MFHAS1: variants seen among roughly 807,000 people sequenced by gnomAD.
The protein encoded by MFHAS1 is multifunctional ROCO family signaling regulator 1.
A neutral mutation model predicts 70.4 loss-of-function variants in MFHAS1; 50 were observed. The observed-to-expected ratio is 0.71, with a 90% confidence interval of 0.57 to 0.90. MFHAS1 has a LOEUF of 0.90. Ranked by LOEUF, MFHAS1 falls within the 40% of genes least tolerant of loss-of-function variation. The probability of loss-of-function intolerance (pLI) is 0.00; values close to 1 mark genes in which losing one functional copy is unlikely to be tolerated. For synonymous variants in MFHAS1, 952 were observed against 620.0 expected, an observed-to-expected ratio of 1.54 and a Z score of -7.96; for missense variants, 1,795 against 1,347.6, an observed-to-expected ratio of 1.33 and a Z score of -5.20.
intron 2 of MFHAS1, among the ~76,000 whole-genome samples, chr8:8,789,930 C>T (rs554931748): frequency 6.6e-6 from 1 of 152,066 alleles, no homozygotes; most frequent in Non-Finnish European, 1.5e-5. Flanking sequence ...CGGCCTTGCC[C>T]GTTCCTCCCC....
At chr8:8,803,493 GGCGACAGA>G (rs1234274601) in intron 1 of MFHAS1, among the ~76,000 whole-genome samples, 2 of 149,840 alleles carry the variant, frequency 1.3e-5, no homozygotes, top group East Asian at 4.0e-4. Context: ...CTCCAGCCTG[GGCGACAGA>G]GCAAGACCCT....
intron 1 of MFHAS1, among the ~76,000 whole-genome samples, chr8:8,855,895 T>C (rs1044018565): frequency 2.0e-5 from 3 of 152,170 alleles, no homozygotes; most frequent in African/African-American, 7.2e-5. Flanking sequence ...TCTGCCGTTA[T>C]TTTCATCTGA....
At chr8:8,883,707 C>CAAAAA (rs35799658) in intron 1 of MFHAS1, among the ~76,000 whole-genome samples, 769 of 28,650 alleles carry the variant, frequency 0.027, 83 homozygotes, top group African/African-American at 0.077. Flanking sequence ...GACTCAGTCT[C>CAAAAA]AAAAAAAAAA....
At chr8:8,826,920 G>A (rs1807186552) in intron 1 of MFHAS1, among the ~76,000 whole-genome samples, 2 of 152,288 alleles carry the variant, frequency 1.3e-5, no homozygotes, top group South Asian at 4.1e-4. Context: ...TGGCATCTGA[G>A]GCAGGGATGG....
intron 2 of MFHAS1, among the ~76,000 whole-genome samples, chr8:8,787,327 A>G (rs558429014): frequency 4.3e-4 from 65 of 152,168 alleles, no homozygotes; most frequent in South Asian, 6.2e-4. Flanking sequence ...TGATCCGCCC[A>G]CCTTGGCCTC....
At position 8,892,121 on chromosome 8, in the gene MFHAS1, G is replaced by A. The variant is rs1286349697; in HGVS notation, c.938C>T (p.Ser313Phe). Residue 313 changes from serine to phenylalanine, a missense_variant, in exon 1 of 3, where the codon TCC becomes TTC. Physicochemically the swap from Ser to Phe is radical, Grantham distance 155. Coordinates refer to ENST00000276282, the MANE Select transcript of MFHAS1 (RefSeq NM_004225.3). This position sits in a 1 kb window ranked among gnomAD's most constrained non-coding sequence, Gnocchi z 4.7. ...LSRNQLTSVP[S>F]LISGLGRLLT... ...AAGCCGGCCCAGGCCCGAGATAAGG[G>A]ATGGCACCGAGGTGAGCTGGTTGCG... 1.9e-6 allele frequency: 3 copies of A among 1,612,638 alleles called. No individual in the cohort carries two copies. In the African/African-American group the frequency reaches 4.0e-5, roughly 22 times the overall value.
chr8:8,834,111 G>C (rs536337201), intron 1 of MFHAS1, among the ~76,000 whole-genome samples: 2 of 134,392 alleles, frequency 1.5e-5, no homozygotes, highest in African/African-American at 2.6e-5. Context: ...GGGCAACCGA[G>C]TGAGACTCTG....
chr8:8,861,894 T>TTCATCTCTTTTCCTTGC (rs1808676770), intron 1 of MFHAS1, among the ~76,000 whole-genome samples: 1 of 152,248 alleles, frequency 6.6e-6, no homozygotes, highest in Non-Finnish European at 1.5e-5. Flanking sequence ...TTATCAGTAG[T>TTCATCTCTTTTCCTTGC]TCATCTCTTT....
intron 1 of MFHAS1, among the ~76,000 whole-genome samples, chr8:8,850,003 G>A (rs956062467): frequency 3.3e-5 from 5 of 152,374 alleles, no homozygotes; most frequent in South Asian, 2.1e-4. Context: ...TGAAGCCTCA[G>A]AGAGAGTTTG....
At chr8:8,861,289 C>T (rs1585057287) in intron 1 of MFHAS1, among the ~76,000 whole-genome samples, 1 of 152,166 alleles carries the variant, frequency 6.6e-6, no homozygotes, top group African/African-American at 2.4e-5. Flanking sequence ...AATTAAAAAG[C>T]AAACAAAATT....
At chr8:8,886,979 T>A (rs1022959320) in intron 1 of MFHAS1, among the ~76,000 whole-genome samples, 2 of 152,052 alleles carry the variant, frequency 1.3e-5, no homozygotes, top group African/African-American at 4.8e-5. Context: ...ATACAAAAAT[T>A]AGCCAGGTGT....
intron 1 of MFHAS1, among the ~76,000 whole-genome samples, chr8:8,821,642 C>T (rs570058956): frequency 3.3e-5 from 5 of 152,208 alleles, no homozygotes; most frequent in Admixed American, 2.0e-4. Flanking sequence ...TTTGATGTTG[C>T]TACACAGACT....
chr8:8,799,519 G>A (rs1210277822), intron 1 of MFHAS1, among the ~76,000 whole-genome samples: 1 of 152,206 alleles, frequency 6.6e-6, no homozygotes, highest in Non-Finnish European at 1.5e-5. Flanking sequence ...ACTTTGCGAG[G>A]CAAAGACGGG....
intron 1 of MFHAS1, among the ~76,000 whole-genome samples, chr8:8,802,769 G>A (rs1032146098): frequency 2.0e-5 from 3 of 152,192 alleles, no homozygotes; most frequent in Non-Finnish European, 4.4e-5. Flanking sequence ...CTATCTTGGG[G>A]GGTGAAGGAG....
At position 8,801,973 on chromosome 8, in the gene MFHAS1, A is replaced by G. The variant is rs373470031; in HGVS notation, c.2999-4482T>C. 2.0e-4 allele frequency among the ~76,000 whole-genome samples: 30 copies of G among 152,348 alleles called. No homozygotes were observed. The East Asian group carries it at 3.5e-3, about 18-fold the overall frequency. On this transcript the variant is annotated intron_variant, in intron 1 of 2. Transcript: ENST00000276282. ...GACGAAGGACCCAGCAACTTTTGTTATCAGAATGGAGAACGATGCGTGCAC... is the reference window on the plus strand; with the variant it reads ...GACGAAGGACCCAGCAACTTTTGTTGTCAGAATGGAGAACGATGCGTGCAC...
At chr8:8,793,024 G>T (rs112536924) in intron 2 of MFHAS1, among the ~76,000 whole-genome samples, 1,875 of 152,284 alleles carry the variant, frequency 0.012, 31 homozygotes, top group South Asian at 0.048. Flanking sequence ...GGGAGAAGAA[G>T]CCACTCAGCT....
rs551526700 is a variant in MFHAS1, at chr8:8,817,942, G to A, written c.2999-20451C>T. 2.0e-5 allele frequency among the ~76,000 whole-genome samples: 3 copies of A among 152,338 alleles called. No homozygotes were observed. The East Asian group carries it at 5.8e-4, about 29-fold the overall frequency. On this transcript the variant is annotated intron_variant, in intron 1 of 2. Coordinates refer to ENST00000276282, the MANE Select transcript of MFHAS1 (RefSeq NM_004225.3). Reference sequence around the variant, plus strand: ...CTGCTCACTCCTGCCCTGCAGCCCAGTTCCTAACAGCCCATGAACTGGTAC... The same window carrying A: ...CTGCTCACTCCTGCCCTGCAGCCCAATTCCTAACAGCCCATGAACTGGTAC...
chr8:8,880,875 AG>A (rs1252869191), intron 1 of MFHAS1, among the ~76,000 whole-genome samples: 4 of 151,900 alleles, frequency 2.6e-5, no homozygotes, highest in Non-Finnish European at 4.4e-5. Flanking sequence ...AGTAGAGATG[AG>A]GGTTCACCGC....
intron 1 of MFHAS1, among the ~76,000 whole-genome samples, chr8:8,818,102 T>A (rs1363711765): frequency 1.3e-5 from 2 of 152,144 alleles, no homozygotes; most frequent in East Asian, 3.9e-4. Flanking sequence ...TTCAGAATGT[T>A]CTAAGTTAGG....
Sources: allele counts gnomAD v4.1 joint callset (sites outside exome capture counted in the v4.1 genomes callset), GRCh38; gene constraint gnomAD v4.1.1; non-coding constraint Gnocchi (gnomAD v3.1); transcripts MANE v1.5; gene names NCBI Gene and HGNC (gene_info 2026-07-23, HGNC 2026-07-21).